Variants in RXRA observed in about 807,000 individuals in gnomAD.
RXRA encodes retinoid X receptor alpha.
RXRA carries 5 observed loss-of-function variants against 44.5 expected under a neutral mutation model. The ratio of observed to expected loss-of-function variants is 0.11; its 90% confidence interval spans 0.06 to 0.24. The LOEUF (loss-of-function observed/expected upper bound fraction) is 0.24, where lower values mean the gene tolerates loss of function less well. RXRA is among the 10% of genes least tolerant of loss of function. The pLI is 1.00. For missense variants in RXRA, 412 were observed against 646.5 expected (o/e 0.64, Z 3.93); for synonymous variants, 291 against 271.4 (o/e 1.07, Z -0.71).
At chr9:134,423,882 C>T (rs951243459) in intron 6 of RXRA, 1 of 985,198 alleles carries the variant, frequency 1.0e-6, no homozygotes, top group Non-Finnish European at 1.2e-6. Flanking sequence ...CCCACCCCAC[C>T]CCAACCCACC....
chr9:134,436,832 C>T lies in RXRA; in HGVS notation c.*218C>T. On this transcript the variant is annotated 3_prime_UTR_variant, in exon 10 of 10. Transcript: ENST00000481739. ...CAGGGCAGTGGCTTTCCTGAGGCAGCAGCCTTCGTGGCAAGAACTAGCGTG... is the reference window on the plus strand; with the variant it reads ...CAGGGCAGTGGCTTTCCTGAGGCAGTAGCCTTCGTGGCAAGAACTAGCGTG... 1 of 581,894 alleles carries T rather than the reference C, an allele frequency of 1.7e-6. No individual in the cohort carries two copies. Among genetic ancestry groups the T allele is most frequent in the South Asian group, 2.1e-5 (1 of 47,632 alleles). The allele number at this position is 581,894 out of a possible 1,614,324, so 36.0% of individuals were successfully genotyped here. A position where few individuals can be genotyped will look rare whatever the true frequency, so the allele number is the denominator to read the frequency against.
chr9:134,334,283 G>A (rs1380046545), intron 1 of RXRA, among the ~76,000 whole-genome samples: 3 of 152,250 alleles, frequency 2.0e-5, no homozygotes, highest in Non-Finnish European at 4.4e-5. Context: ...GGAAGGACTC[G>A]CTTGACTTAG....
intron 1 of RXRA, among the ~76,000 whole-genome samples, chr9:134,367,862 G>T (rs1051972704): frequency 6.6e-6 from 1 of 152,226 alleles, no homozygotes; most frequent in Admixed American, 6.5e-5. Flanking sequence ...CCTGGGCCCC[G>T]GCTCAGCCAG....
intron 1 of RXRA, among the ~76,000 whole-genome samples, chr9:134,358,436 G>A (rs1334439326): frequency 2.6e-5 from 4 of 152,238 alleles, no homozygotes; most frequent in African/African-American, 7.2e-5. Context: ...AACAGCATAT[G>A]CAAAGGCCCA....
At chr9:134,333,622 T>C (rs1835042618) in intron 1 of RXRA, among the ~76,000 whole-genome samples, 1 of 152,102 alleles carries the variant, frequency 6.6e-6, no homozygotes, top group African/African-American at 2.4e-5. Context: ...CCGCCGGCTG[T>C]AATGAGGTTA....
intron 1 of RXRA, among the ~76,000 whole-genome samples, chr9:134,390,832 T>C (rs1276602520): frequency 6.6e-6 from 1 of 152,158 alleles, no homozygotes; most frequent in Non-Finnish European, 1.5e-5. Context: ...ATGACAGGCA[T>C]CCGGCTCAGG....
Position 134,426,788 on chromosome 9 carries a change from G to C in RXRA, c.911-2320G>C, listed in dbSNP as rs1831441591. The C allele has an allele frequency of 1.0e-6, 1 of 985,294 alleles. No individual in the cohort carries two copies. Among genetic ancestry groups the C allele is most frequent in the Non-Finnish European group, 1.2e-6 (1 of 829,926 alleles). 61.0% of individuals were successfully genotyped at this position (985,294 alleles called of 1,614,324 possible). A position where few individuals can be genotyped will look rare whatever the true frequency, so the allele number is the denominator to read the frequency against. On this transcript the variant is annotated intron_variant, in intron 6 of 9. Transcript: ENST00000481739. The surrounding 1 kb of genome is among the most constrained non-coding windows in gnomAD (Gnocchi z 4.6). ...AGGCAGGCCCGAGAGGCCAGGACTG[G>C]CCAGGGATGGTGGGTTTGGGGCCAG...
At chr9:134,409,889 T>C (rs887819380) in intron 4 of RXRA, among the ~76,000 whole-genome samples, 2 of 152,104 alleles carry the variant, frequency 1.3e-5, no homozygotes, top group Non-Finnish European at 2.9e-5. Context: ...GGTCTGTCCC[T>C]GTCCCCCCGC....
At chr9:134,379,809 C>T (rs1394297558) in intron 1 of RXRA, 7 of 985,126 alleles carry the variant, frequency 7.1e-6, no homozygotes, top group Admixed American at 6.1e-5. Context: ...GCTCAGTCTT[C>T]CCCAGCTCCA....
chr9:134,418,172 G>C (rs77318301), intron 5 of RXRA, among the ~76,000 whole-genome samples: 2,493 of 152,292 alleles, frequency 0.016, 73 homozygotes, highest in African/African-American at 0.056. Context: ...TCCCTGGTGA[G>C]CTTGTCTGGC....
intron 2 of RXRA, among the ~76,000 whole-genome samples, chr9:134,406,560 A>G (rs1033929880): frequency 1.3e-5 from 2 of 152,200 alleles, no homozygotes; most frequent in Admixed American, 1.3e-4. Flanking sequence ...TGGGGCCTCC[A>G]GTGCCTCCAA....
At chr9:134,328,966 G>T (rs985514353) in intron 1 of RXRA, among the ~76,000 whole-genome samples, 1 of 152,210 alleles carries the variant, frequency 6.6e-6, no homozygotes, top group Non-Finnish European at 1.5e-5. Context: ...CGAGGGACTC[G>T]CCAGAGGCAG....
intron 1 of RXRA, among the ~76,000 whole-genome samples, chr9:134,384,088 G>A (rs1452182010): frequency 6.6e-6 from 1 of 151,868 alleles, no homozygotes; most frequent in Non-Finnish European, 1.5e-5. Flanking sequence ...CAGGTGGGGA[G>A]TCCTGGACTC....
rs891320770 is a variant in RXRA at position 134,433,374 on chromosome 9, T to C, written c.1136-728T>C. ...CACAAGCAGGGTCCAGGCACAGGCT[T>C]GCAGGGAAAGCGAAGAGACCAGGGC... On this transcript the variant is annotated intron_variant, in intron 8 of 9. Transcript: ENST00000481739. The surrounding 1 kb of genome is among the most constrained non-coding windows in gnomAD (Gnocchi z 4.2). Among the ~76,000 whole-genome samples, 7 of 151,832 alleles carry C rather than the reference T, an allele frequency of 4.6e-5. No individual in the cohort carries two copies. The highest frequency in any genetic ancestry group is 1.7e-4 in the African/African-American group (7 of 41,294).
At chr9:134,391,266 C>A (rs1830795381) in intron 1 of RXRA, among the ~76,000 whole-genome samples, 1 of 152,178 alleles carries the variant, frequency 6.6e-6, no homozygotes, top group African/African-American at 2.4e-5. Flanking sequence ...CAGGTGGGAC[C>A]TGAGGAACTG....
chr9:134,352,615 A>T (rs781894323), intron 1 of RXRA, among the ~76,000 whole-genome samples: 3 of 152,018 alleles, frequency 2.0e-5, no homozygotes, highest in Non-Finnish European at 4.4e-5. Context: ...CTGAAGATGC[A>T]CCCTGGCTGA....
chr9:134,418,987 C>G (rs1390753139), intron 5 of RXRA, among the ~76,000 whole-genome samples: 1 of 152,240 alleles, frequency 6.6e-6, no homozygotes, highest in Non-Finnish European at 1.5e-5. Flanking sequence ...ATAGGACAAC[C>G]TGGTGCCCCC....
In RXRA at chr9:134,362,909, C is replaced by T. The variant is rs1443941270; in HGVS notation, c.28+36250C>T. On this transcript the variant is annotated intron_variant, in intron 1 of 9. Transcript: ENST00000481739. ...CCAGCCTCACTCCCACAGCGTTGTCCCCAGCCTGATGTGCCCGCTGTCAGC... is the reference window on the plus strand; with the variant it reads ...CCAGCCTCACTCCCACAGCGTTGTCTCCAGCCTGATGTGCCCGCTGTCAGC... 2.0e-5 allele frequency among the ~76,000 whole-genome samples: 3 copies of T among 152,258 alleles called. No individual in the cohort carries two copies. The East Asian group carries it at 5.8e-4, about 29-fold the overall frequency.
At chr9:134,351,613 G>A (rs1204218495) in intron 1 of RXRA, among the ~76,000 whole-genome samples, 4 of 152,232 alleles carry the variant, frequency 2.6e-5, no homozygotes, top group Non-Finnish European at 5.9e-5. Flanking sequence ...GTGGAGGAGG[G>A]TGCCGGCTCC....
Sources: gnomAD v4.1 joint callset for allele counts (sites outside exome capture counted in the v4.1 genomes callset) on GRCh38, gnomAD v4.1.1 for gene constraint, Gnocchi (gnomAD v3.1) non-coding constraint, MANE v1.5 for transcripts, NCBI Gene and HGNC (gene_info 2026-07-23, HGNC 2026-07-21) for gene names.